The following MYCBPAP variants were observed in gnomAD, a reference collection of about 807,000 sequenced individuals.
MYCBPAP encodes MYCBP-associated protein.
In MYCBPAP, 60 loss-of-function variants were observed where a neutral mutation model predicts 106.1. The ratio of observed to expected loss-of-function variants is 0.57; its 90% CI spans 0.46 to 0.70. MYCBPAP has a LOEUF of 0.70. Ranked by LOEUF, MYCBPAP falls within the 30% of genes least tolerant of loss-of-function variation. The pLI is 0.00. For synonymous variants in MYCBPAP, 407 were observed against 440.6 expected (o/e 0.92, Z 0.95); for missense variants, 1,064 against 1,169.3 (o/e 0.91, Z 1.31).
chr17:50,510,548 CAG>C (rs1462634214), intron 1 of MYCBPAP: 3 of 102,290 alleles, frequency 2.9e-5, no homozygotes, highest in African/African-American at 9.6e-5. Context: ...TATTTTGAGA[CAG>C]GGCCTCGCTC....
At chr17:50,523,830 T>C (rs1165565656) in intron 12 of MYCBPAP, 46 bp downstream of exon 12, 2 of 1,546,368 alleles carry the variant, frequency 1.3e-6, no homozygotes, top group East Asian at 2.3e-5. Flanking sequence ...AGGTAGGGTA[T>C]CCTGGTGTTC....
intron 18 of MYCBPAP, 36 bp downstream of exon 18, chr17:50,529,224 C>G (rs2144005090): frequency 6.3e-7 from 1 of 1,586,054 alleles, no homozygotes; most frequent in Non-Finnish European, 8.6e-7. Flanking sequence ...TCCCCTGCCT[C>G]CCACCTGCCT....
Position 50,519,087 on chromosome 17 carries a change from A to G in MYCBPAP, c.766A>G (p.Lys256Glu). 2.5e-6 allele frequency: 4 copies of G among 1,611,528 alleles called. No individual in the cohort carries two copies. Among genetic ancestry groups the G allele is most frequent in the Non-Finnish European group, 3.4e-6 (4 of 1,178,806 alleles). The change falls in exon 6 of 19, where the codon AAA becomes GAA. Residue 256 changes from lysine to glutamate, a missense_variant and splice_region_variant. By Grantham distance (56) the Lys-to-Glu change is moderately conservative. Transcript: ENST00000323776. Reference sequence around the variant, plus strand: ...CACACTTCCAACCCGGCGTGATAGGAAAGTGAGGCCACCTGTCCTAAGTGC... The same window carrying G: ...CACACTTCCAACCCGGCGTGATAGGGAAGTGAGGCCACCTGTCCTAAGTGC... The part of the protein sequence containing the change: ...DCTLPTRRDR[K>E]SWENSGFWSR...
rs1167870123 is a variant in MYCBPAP at position 50,508,604 on chromosome 17, C to T, written c.-71C>T. 7 of 1,555,494 alleles carry T rather than the reference C, an allele frequency of 4.5e-6. No individual in the cohort carries two copies. In the East Asian group the frequency reaches 1.7e-4, roughly 38 times the overall value. ...GGACGCAGTGGCGGCCGTTGGCTGG[C>T]GGGTGCGGCGCAGCCTCGGTGTCTC... On this transcript the variant is annotated 5_prime_UTR_variant, in exon 1 of 19. Coordinates refer to ENST00000323776, the MANE Select transcript of MYCBPAP (RefSeq NM_032133.6).
intron 1 of MYCBPAP, among the ~76,000 whole-genome samples, chr17:50,515,279 G>C (rs1244786868): frequency 6.6e-6 from 1 of 151,846 alleles, no homozygotes; most frequent in Non-Finnish European, 1.5e-5. Context: ...AGTTACTCTG[G>C]CTCAGTCTGT....
At chr17:50,508,852 G>A (rs1432747504) in intron 1 of MYCBPAP, 102 bp downstream of exon 1, 1 of 1,062,892 alleles carries the variant, frequency 9.4e-7, no homozygotes, top group Non-Finnish European at 1.4e-6. Context: ...ATGGCACCAG[G>A]GATGGAGGAA....
chr17:50,508,402 C>A, upstream of MYCBPAP: 1 of 703,036 alleles, frequency 1.4e-6, no homozygotes, highest in Non-Finnish European at 2.2e-6. Context: ...TCACGGCGCT[C>A]GTCGGCGCCG....
At chr17:50,519,408 G>GACCAGTGCAGTACCTGT (rs2034175245) in intron 6 of MYCBPAP, 1 of 598,572 alleles carries the variant, frequency 1.7e-6, no homozygotes, top group Non-Finnish European at 2.9e-6. Context: ...TTTTCTGGTA[G>GACCAGTGCAGTACCTGT]ACCAGTGCAG....
Position 50,519,075 on chromosome 17 carries a change from C to T in MYCBPAP, c.754C>T (p.Arg252Trp), listed in dbSNP as rs201547241. ...GCTCATTGACTGCACACTTCCAACCCGGCGTGATAGGAAAGTGAGGCCACC... is the reference window on the plus strand; with the variant it reads ...GCTCATTGACTGCACACTTCCAACCTGGCGTGATAGGAAAGTGAGGCCACC... ...RELIDCTLPTRRDRKSWENSG... is the reference protein window; with the variant it reads ...RELIDCTLPTWRDRKSWENSG... The change falls in exon 6 of 19, where the codon CGG (arginine) becomes TGG (tryptophan). Residue 252 changes from arginine (R) to tryptophan (W), a missense_variant. Coordinates refer to ENST00000323776, the MANE Select transcript of MYCBPAP (RefSeq NM_032133.6). 9 of 1,592,916 alleles carry T rather than the reference C, an allele frequency of 5.7e-6. No individual in the cohort carries two copies. In the East Asian group the frequency reaches 7.6e-5, roughly 13 times the overall value.
chr17:50,508,373 C>T (rs75639658), upstream of MYCBPAP: 133,215 of 547,964 alleles, frequency 0.24, 17,410 homozygotes, highest in African/African-American at 0.38. Flanking sequence ...CCCCGCCCCG[C>T]CCCGCCCGGC....
At chr17:50,510,499 G>GTGTATGTATGTATGTGTATATATA (rs1418345705) in intron 1 of MYCBPAP, 2 of 76,414 alleles carry the variant, frequency 2.6e-5, no homozygotes, top group African/African-American at 9.2e-5. Flanking sequence ...GTGTGTGTGT[G>GTGTATGTATGTATGTGTATATATA]TATATATATA....
intron 18 of MYCBPAP, chr17:50,529,842 T>TA (rs1259911158): frequency 2.2e-6 from 1 of 456,604 alleles, no homozygotes; most frequent in Non-Finnish European, 4.4e-6. Flanking sequence ...TTTGAAGGAC[T>TA]AGAGAGACTT....
At chr17:50,512,352 C>A (rs559012739) in intron 1 of MYCBPAP, among the ~76,000 whole-genome samples, 7 of 152,292 alleles carry the variant, frequency 4.6e-5, no homozygotes, top group Admixed American at 2.0e-4. Flanking sequence ...CCGCGCCCGG[C>A]CCCCCAGCAA....
Position 50,526,029 on chromosome 17 carries a change from T to C in MYCBPAP, c.1931T>C (p.Leu644Pro). The stretch of plus-strand genomic sequence containing the variant: ...GAGAAGGCCTCTGTGAATGCTGAGC[T>C]GTTACCACGCTTTAGGAGCCCCATC... ...ATEKASVNAE[L>P]LPRFRSPISE... The change falls in exon 14 of 19, where the codon CTG (leucine) becomes CCG (proline). Residue 644 changes from leucine (L) to proline (P), a missense_variant. Physicochemically the swap from Leu to Pro is moderately conservative, Grantham distance 98. Coordinates refer to ENST00000323776, the MANE Select transcript of MYCBPAP (RefSeq NM_032133.6). The C allele has an allele frequency of 6.2e-7, 1 of 1,613,978 alleles. No individual in the cohort carries two copies. Among genetic ancestry groups the C allele is most frequent in the Non-Finnish European group, 8.5e-7 (1 of 1,180,032 alleles).
chr17:50,529,292 A>C, intron 18 of MYCBPAP, 104 bp downstream of exon 18: 5 of 1,131,384 alleles, frequency 4.4e-6, no homozygotes, highest in Non-Finnish European at 6.2e-6. Flanking sequence ...GTGGAAGCAG[A>C]GCTGCTTCAG....
At position 50,522,965 on chromosome 17, in the gene MYCBPAP, G is replaced by C; in HGVS notation, c.1284G>C (p.Leu428Phe). The change falls in exon 11 of 19, where the codon TTG becomes TTC. Residue 428 changes from leucine to phenylalanine, a missense_variant. Transcript: ENST00000323776. ...GGCAGGTTGGGATTGCTGCTCACTT[G>C]ACCTTTGAAACCCTAGAAGGCGAGA... ...DKRQVGIAAH[L>F]TFETLEGEKT... The C allele has an allele frequency of 1.2e-6, 2 of 1,612,556 alleles. No individual in the cohort carries two copies. Among genetic ancestry groups the C allele is most frequent in the South Asian group, 1.1e-5 (1 of 91,026 alleles).
rs201047283 is a variant in MYCBPAP, at chr17:50,525,022, C to T, written c.1781C>T (p.Pro594Leu). ...EEDLFRHRNP[P>L]LHYEHQVVQS... Reference sequence around the variant, plus strand: ...GACTTGTTCCGGCACAGAAATCCTCCGGTGAGGCCCAGCGCCAGCCCCTGC... The same window carrying T: ...GACTTGTTCCGGCACAGAAATCCTCTGGTGAGGCCCAGCGCCAGCCCCTGC... Residue 594 changes from proline (P) to leucine (L), a missense_variant and splice_region_variant, in exon 13 of 19, where the codon CCG becomes CTG. By Grantham distance (98) the Pro-to-Leu change is moderately conservative. Coordinates refer to ENST00000323776, the MANE Select transcript of MYCBPAP (RefSeq NM_032133.6). The T allele has an allele frequency of 1.2e-5, 20 of 1,611,872 alleles. No individual in the cohort carries two copies. The highest frequency in any genetic ancestry group is 1.7e-4 in the Middle Eastern group (1 of 6,056).
intron 4 of MYCBPAP, among the ~76,000 whole-genome samples, chr17:50,518,128 C>A (rs1398498334): frequency 6.6e-6 from 1 of 152,232 alleles, no homozygotes; most frequent in Non-Finnish European, 1.5e-5. Flanking sequence ...GATTCTGTAT[C>A]TTTCCAGCCT....
At position 50,529,155 on chromosome 17, in the gene MYCBPAP, C is replaced by T. The variant is rs1159306098; in HGVS notation, c.2691C>T (p.Val897=). 6.2e-7 allele frequency: 1 copy of T among 1,613,388 alleles called. No individual in the cohort carries two copies. Among genetic ancestry groups the T allele is most frequent in the Non-Finnish European group, 8.5e-7 (1 of 1,180,020 alleles). ...CTCAAGAACCCATAGACCCCCTGGT[C>T]ATGGGGAAATACACCCAGAGCCTGC... ...LSSQEPIDPL[V]MGKYTQSLHS... is the part of the protein sequence containing the mutation. The change falls in exon 18 of 19, where the codon GTC becomes GTT. Residue 897 remains valine, a synonymous_variant. Transcript: ENST00000323776.
Sources: gnomAD v4.1 joint callset for allele counts (sites outside exome capture counted in the v4.1 genomes callset) on GRCh38, gnomAD v4.1.1 for gene constraint, MANE v1.5 for transcripts, NCBI Gene and HGNC (gene_info 2026-07-23, HGNC 2026-07-21) for gene names.